The following PTPN13 variants were observed in gnomAD, a reference collection of about 807,000 sequenced individuals.
PTPN13 encodes tyrosine-protein phosphatase non-receptor type 13.
Under a neutral mutation model 284.0 loss-of-function variants are expected in PTPN13, and 191 were observed. The ratio of observed to expected loss-of-function variants is 0.67; its 90% CI spans 0.60 to 0.76. PTPN13 has a LOEUF of 0.76. Among genes scored for constraint, PTPN13 ranks in the 30% least tolerant of loss-of-function variants. The pLI, the probability that PTPN13 is intolerant of heterozygous loss-of-function variation, is 0.00. For synonymous variants in PTPN13, 986 were observed against 1,022.3 expected (o/e 0.96, Z 0.68); for missense variants, 2,797 against 2,939.9 (o/e 0.95, Z 1.12).
chr4:86,772,740 A>G, intron 31 of PTPN13, 38 bp from the exon 32 acceptor site: 5 of 1,508,704 alleles, frequency 3.3e-6, no homozygotes, highest in Non-Finnish European at 2.7e-6. Flanking sequence ...TGACATTGAA[A>G]TGTATTTAAA....
intron 3 of PTPN13, among the ~76,000 whole-genome samples, chr4:86,676,118 G>A (rs529380060): frequency 3.3e-5 from 5 of 152,058 alleles, no homozygotes; most frequent in Non-Finnish European, 5.9e-5. Context: ...ACACTATACC[G>A]TACATACTTT....
At chr4:86,751,946 C>T (rs1197250329) in intron 19 of PTPN13, among the ~76,000 whole-genome samples, 3 of 142,842 alleles carry the variant, frequency 2.1e-5, no homozygotes, top group Admixed American at 7.1e-5. Flanking sequence ...TGTGTGTGTG[C>T]ATGCACATGT....
At chr4:86,624,216 C>T (rs1402544316) in intron 1 of PTPN13, among the ~76,000 whole-genome samples, 2 of 152,012 alleles carry the variant, frequency 1.3e-5, no homozygotes, top group Non-Finnish European at 2.9e-5. Flanking sequence ...AATCCTTCCC[C>T]ACAATAACTC....
intron 23 of PTPN13, among the ~76,000 whole-genome samples, chr4:86,761,460 A>G (rs1738689286): frequency 6.6e-6 from 1 of 152,128 alleles, no homozygotes; most frequent in South Asian, 2.1e-4. Flanking sequence ...GAACTAGATT[A>G]AAGAGTATGT....
intron 2 of PTPN13, among the ~76,000 whole-genome samples, chr4:86,654,271 C>A (rs1015566878): frequency 3.3e-5 from 5 of 151,900 alleles, no homozygotes; most frequent in Non-Finnish European, 7.4e-5. Flanking sequence ...ATTGATAGAC[C>A]GCTAGCAAGA....
intron 2 of PTPN13, among the ~76,000 whole-genome samples, chr4:86,645,755 A>T (rs1724350239): frequency 6.6e-6 from 1 of 152,156 alleles, no homozygotes. Flanking sequence ...TTCAGATGTC[A>T]GTTTTCTCTA....
chr4:86,785,936 G>A lies in PTPN13; in HGVS notation c.6345G>A (p.Glu2115=). ...DGSPLPEYFT[E]ATKMNGCEEY... ...CACCTTTACCTGAGTATTTTACTGA[G>A]GTAACAATAATACCTAAACAACCTA... The change falls in exon 40 of 48, where the codon GAG becomes GAA. Residue 2115 remains glutamate, a splice_region_variant and synonymous_variant. Transcript: ENST00000411767. The A allele has an allele frequency of 6.6e-7, 1 of 1,524,070 alleles. No homozygotes were observed. The highest frequency in any genetic ancestry group is 1.2e-5 in the South Asian group (1 of 80,728). 94.4% of individuals were successfully genotyped at this position (1,524,070 alleles called of 1,614,324 possible).
At chr4:86,773,191 A>G (rs897867366) in intron 32 of PTPN13, among the ~76,000 whole-genome samples, 1 of 152,222 alleles carries the variant, frequency 6.6e-6, no homozygotes, top group African/African-American at 2.4e-5. Flanking sequence ...GCAGACTCCT[A>G]TGGACCAATC....
chr4:86,602,934 A>C (rs1764436170), intron 1 of PTPN13, among the ~76,000 whole-genome samples: 1 of 152,078 alleles, frequency 6.6e-6, no homozygotes. Context: ...ACTGGACTCA[A>C]GCGATCCTCC....
At chr4:86,675,412 G>A (rs116345854) in intron 3 of PTPN13, among the ~76,000 whole-genome samples, 3,169 of 152,212 alleles carry the variant, frequency 0.021, 106 homozygotes, top group African/African-American at 0.073. Context: ...AAAATGGCAA[G>A]GGCATTTTGA....
chr4:86,745,440 A>C (rs897269780), intron 17 of PTPN13, among the ~76,000 whole-genome samples: 1 of 152,186 alleles, frequency 6.6e-6, no homozygotes, highest in African/African-American at 2.4e-5. Context: ...CAATATTTGG[A>C]AGGGTAAGAC....
intron 25 of PTPN13, 31 bp from the exon 26 acceptor site, chr4:86,765,364 A>G (rs766201146): frequency 3.9e-6 from 6 of 1,536,778 alleles, no homozygotes; most frequent in Non-Finnish European, 5.3e-6. Context: ...TTTTCATGTT[A>G]TAAAATATTA....
intron 1 of PTPN13, among the ~76,000 whole-genome samples, chr4:86,600,810 A>G (rs141987965): frequency 6.4e-4 from 98 of 152,182 alleles, no homozygotes; most frequent in African/African-American, 2.2e-3. Flanking sequence ...TTAGGGGATG[A>G]TTATTTTAGG....
At chr4:86,657,125 C>T (rs1296257866) in intron 2 of PTPN13, among the ~76,000 whole-genome samples, 2 of 152,180 alleles carry the variant, frequency 1.3e-5, no homozygotes, top group African/African-American at 4.8e-5. Flanking sequence ...CCATCTGTCA[C>T]AGCTTCCCTT....
intron 20 of PTPN13, among the ~76,000 whole-genome samples, chr4:86,757,339 A>G (rs1383435778): frequency 2.6e-5 from 4 of 152,110 alleles, no homozygotes; most frequent in Non-Finnish European, 5.9e-5. Context: ...ACTAACTGTT[A>G]CTCCTCATCT....
Position 86,618,806 on chromosome 4 carries a change from A to T in PTPN13, c.-5-16446A>T, listed in dbSNP as rs1052062996. Among the ~76,000 whole-genome samples the T allele has an allele frequency of 4.3e-4, 65 of 152,288 alleles. No homozygotes were observed. The Middle Eastern group carries it at 0.01, about 24-fold the overall frequency. ...TCCTGAGACTTTGCTGAAGTTGCTT[A>T]TCAGCTTAAGGAGATTTTGGGCTGA... is the stretch of plus-strand genomic sequence containing the variant. On this transcript the variant is annotated intron_variant, in intron 1 of 47. Transcript: ENST00000411767.
At chr4:86,768,036 G>T in intron 28 of PTPN13, 60 bp downstream of exon 28, 1 of 1,496,722 alleles carries the variant, frequency 6.7e-7, no homozygotes, top group Non-Finnish European at 9.0e-7. Flanking sequence ...TTCAAAATTT[G>T]ATTTTTACAT....
At chr4:86,605,466 A>C (rs965590594) in intron 1 of PTPN13, among the ~76,000 whole-genome samples, 1 of 151,920 alleles carries the variant, frequency 6.6e-6, no homozygotes, top group African/African-American at 2.4e-5. Flanking sequence ...TTAAAATGGC[A>C]GAGTGAGAAA....
chr4:86,797,779 C>A (rs1445575563), intron 41 of PTPN13, among the ~76,000 whole-genome samples: 1 of 151,518 alleles, frequency 6.6e-6, no homozygotes, highest in Non-Finnish European at 1.5e-5. Context: ...AAGTAAGAAA[C>A]CCACAAAATA....
Sources: gnomAD v4.1 joint callset for allele counts (sites outside exome capture counted in the v4.1 genomes callset) on GRCh38, gnomAD v4.1.1 for gene constraint, MANE v1.5 for transcripts, NCBI Gene and HGNC (gene_info 2026-07-23, HGNC 2026-07-21) for gene names.